The following RABGAP1L variants were observed in gnomAD, a reference collection of about 807,000 sequenced individuals.
RABGAP1L encodes the protein RAB GTPase activating protein 1 like, also known as rab GTPase-activating protein 1-like.
RABGAP1L carries 63 observed loss-of-function variants against 137.7 expected under a neutral mutation model. The ratio of observed to expected loss-of-function variants is 0.46; its 90% CI spans 0.37 to 0.56. The LOEUF is 0.56. Ranked by LOEUF, RABGAP1L falls within the 20% of genes least tolerant of loss-of-function variation. The pLI is 0.00. For synonymous variants in RABGAP1L, 431 were observed against 433.7 expected, an observed-to-expected ratio of 0.99 and a Z score of 0.08; for missense variants, 1,095 against 1,244.0, an observed-to-expected ratio of 0.88 and a Z score of 1.80.
chr1:174,946,918 ATATAT>A (rs1369058425), intron 19 of RABGAP1L, among the ~76,000 whole-genome samples: 99 of 43,340 alleles, frequency 2.3e-3, no homozygotes, highest in African/African-American at 7.2e-3. Context: ...AAAAAAAAAA[ATATAT>A]ATATATATAT....
intron 13 of RABGAP1L, among the ~76,000 whole-genome samples, chr1:174,525,968 C>G (rs1273632526): frequency 6.6e-6 from 1 of 152,028 alleles, no homozygotes; most frequent in East Asian, 1.9e-4. Flanking sequence ...ATCTTTGGAT[C>G]TCTGGTATAA....
intron 11 of RABGAP1L, among the ~76,000 whole-genome samples, chr1:174,321,712 C>G (rs1011207825): frequency 1.3e-5 from 2 of 152,126 alleles, no homozygotes; most frequent in Admixed American, 1.3e-4. Flanking sequence ...CTTTTCCATC[C>G]CTACCAGCAA....
At position 174,946,289 on chromosome 1, in the gene RABGAP1L, T is replaced by C. The variant is rs1284581058; in HGVS notation, c.2341-11168T>C. ...CATGTTGGCTAGATGACAGGCAATG[T>C]AGATGATAGTCATGTAACATAGTGT... On this transcript the variant is annotated intron_variant, in intron 19 of 25. Transcript: ENST00000681986. Among the ~76,000 whole-genome samples, 6 of 152,282 alleles carry C rather than the reference T, an allele frequency of 3.9e-5. No individual in the cohort carries two copies. The East Asian group carries it at 1.2e-3, about 29-fold the overall frequency.
chr1:174,662,182 C>T (rs1340008864), intron 14 of RABGAP1L, among the ~76,000 whole-genome samples: 1 of 145,574 alleles, frequency 6.9e-6, no homozygotes, highest in Non-Finnish European at 1.5e-5. Flanking sequence ...CTGCTCACTG[C>T]AACCTCCGCC....
rs1655029830 is a variant in RABGAP1L at position 174,448,365 on chromosome 1, A to G, written c.1710+54220A>G. 2 of 1,613,942 alleles carry G rather than the reference A, an allele frequency of 1.2e-6. No individual in the cohort carries two copies. Among genetic ancestry groups the G allele is most frequent in the Non-Finnish European group, 1.7e-6 (2 of 1,179,822 alleles). On this transcript the variant is annotated intron_variant, in intron 13 of 25. Transcript: ENST00000681986. This position sits in a 1 kb window ranked among gnomAD's most constrained non-coding sequence, Gnocchi z 4.2. The stretch of plus-strand genomic sequence containing the variant: ...AGCTATTTCATTCAGACGATGGCAT[A>G]TGCTGATCTTTTCGTTGGAGTTAGC...
At chr1:174,847,249 T>G (rs1694165453) in intron 19 of RABGAP1L, among the ~76,000 whole-genome samples, 1 of 151,836 alleles carries the variant, frequency 6.6e-6, no homozygotes, top group African/African-American at 2.4e-5. Flanking sequence ...TATTGTTATG[T>G]GTGAATTTGA....
chr1:174,800,148 G>C, intron 18 of RABGAP1L: 1 of 1,386,390 alleles, frequency 7.2e-7, no homozygotes, highest in Non-Finnish European at 9.3e-7. Flanking sequence ...TCTACTTTGG[G>C]GTTCTCGCAG....
At chr1:174,493,948 A>G (rs892770421) in intron 13 of RABGAP1L, among the ~76,000 whole-genome samples, 1 of 151,778 alleles carries the variant, frequency 6.6e-6, no homozygotes, top group African/African-American at 2.4e-5. Context: ...TTTCACATTT[A>G]TATTTGAACT....
At chr1:174,817,495 A>G (rs1282354884) in intron 19 of RABGAP1L, among the ~76,000 whole-genome samples, 1 of 152,148 alleles carries the variant, frequency 6.6e-6, no homozygotes, top group East Asian at 1.9e-4. Flanking sequence ...GTAGGTCATG[A>G]CTGGAGAGTA....
chr1:174,521,914 A>G (rs1331839213), intron 13 of RABGAP1L, among the ~76,000 whole-genome samples: 1 of 152,130 alleles, frequency 6.6e-6, no homozygotes, highest in Non-Finnish European at 1.5e-5. Flanking sequence ...CCCCATCTCT[A>G]CTAAAAATAC....
chr1:174,480,130 T>C (rs1304238030), intron 13 of RABGAP1L, among the ~76,000 whole-genome samples: 1 of 152,170 alleles, frequency 6.6e-6, no homozygotes, highest in African/African-American at 2.4e-5. Context: ...TAAGATTGAT[T>C]CTTCATCTAT....
intron 16 of RABGAP1L, among the ~76,000 whole-genome samples, chr1:174,701,614 GTGCCTATAA>G (rs1475631028): frequency 6.6e-6 from 1 of 151,940 alleles, no homozygotes; most frequent in African/African-American, 2.4e-5. Context: ...CTGGTGGAGG[GTGCCTATAA>G]TCTCAGCTAC....
chr1:174,923,332 T>C (rs1474798295), intron 19 of RABGAP1L, among the ~76,000 whole-genome samples: 4 of 152,186 alleles, frequency 2.6e-5, no homozygotes, highest in Non-Finnish European at 2.9e-5. Flanking sequence ...TTAAGACTGA[T>C]TTGTGTAAAG....
chr1:174,787,419 A>T (rs373528938), intron 18 of RABGAP1L, among the ~76,000 whole-genome samples: 2 of 151,900 alleles, frequency 1.3e-5, no homozygotes, highest in South Asian at 2.1e-4. Context: ...AAAAAAAAAA[A>T]AATAAGAGAA....
chr1:174,391,139 G>A (rs1687180179), intron 12 of RABGAP1L, among the ~76,000 whole-genome samples: 3 of 152,124 alleles, frequency 2.0e-5, no homozygotes. Flanking sequence ...ATGGAGAGAA[G>A]TCATAGATCA....
intron 7 of RABGAP1L, among the ~76,000 whole-genome samples, chr1:174,260,864 AT>A (rs1673523677): frequency 6.6e-6 from 1 of 150,736 alleles, no homozygotes; most frequent in South Asian, 2.1e-4. Context: ...AGAAGGGGAA[AT>A]TTTTTCAGTC....
chr1:174,835,834 CT>C (rs947231284), intron 19 of RABGAP1L, among the ~76,000 whole-genome samples: 4 of 152,046 alleles, frequency 2.6e-5, no homozygotes, highest in Non-Finnish European at 4.4e-5. Flanking sequence ...ATATTTCTTC[CT>C]TTGGTCTGGT....
At chr1:174,459,115 C>T (rs1393871110) in intron 13 of RABGAP1L, among the ~76,000 whole-genome samples, 2 of 151,954 alleles carry the variant, frequency 1.3e-5, no homozygotes, top group African/African-American at 4.8e-5. Flanking sequence ...TGTTTTTTGT[C>T]ATTGTCAACT....
At chr1:174,780,929 A>G (rs894885964) in intron 18 of RABGAP1L, among the ~76,000 whole-genome samples, 3 of 151,678 alleles carry the variant, frequency 2.0e-5, no homozygotes, top group Non-Finnish European at 4.4e-5. Flanking sequence ...ATAGTATTCC[A>G]TGGTGTATAT....
Sources: allele counts gnomAD v4.1 joint callset (sites outside exome capture counted in the v4.1 genomes callset), GRCh38; gene constraint gnomAD v4.1.1; non-coding constraint Gnocchi (gnomAD v3.1); transcripts MANE v1.5; gene names NCBI Gene and HGNC (gene_info 2026-07-23, HGNC 2026-07-21).